Variants in CLASP1 observed in about 807,000 individuals in gnomAD.
CLASP1 encodes the protein cytoplasmic linker associated protein 1, also known as CLIP-associating protein 1.
CLASP1 carries 38 observed loss-of-function variants against 192.3 expected under a neutral mutation model. That is an observed-to-expected ratio of 0.20 (90% CI 0.15 to 0.26). CLASP1 has a LOEUF of 0.26. Ranked by LOEUF, CLASP1 falls within the 10% of genes least tolerant of loss-of-function variation. CLASP1 has a pLI of 1.00. For missense variants in CLASP1, 1,433 were observed against 1,932.5 expected (o/e 0.74, Z 4.85); for synonymous variants, 691 against 712.8 (o/e 0.97, Z 0.49).
At chr2:121,489,164 T>G (rs1464908166) in intron 8 of CLASP1, among the ~76,000 whole-genome samples, 1 of 152,254 alleles carries the variant, frequency 6.6e-6, no homozygotes, top group East Asian at 1.9e-4. Flanking sequence ...GCCCAGGTAT[T>G]GATTTCCTGC....
At chr2:121,534,837 A>G (rs2095004392) in intron 2 of CLASP1, among the ~76,000 whole-genome samples, 1 of 152,180 alleles carries the variant, frequency 6.6e-6, no homozygotes, top group Non-Finnish European at 1.5e-5. Context: ...CTATTCCTGT[A>G]ACAATTTTTC....
chr2:121,517,314 TGAAGA>T (rs1243829508), intron 6 of CLASP1, among the ~76,000 whole-genome samples: 1 of 152,096 alleles, frequency 6.6e-6, no homozygotes, highest in Non-Finnish European at 1.5e-5. Context: ...TAGTGGAGAA[TGAAGA>T]GAAAAGAAGC....
At chr2:121,479,054 CCCCACACA>C (rs2092362373) in intron 8 of CLASP1, among the ~76,000 whole-genome samples, 1 of 96,740 alleles carries the variant, frequency 1.0e-5, no homozygotes, top group Non-Finnish European at 2.2e-5. Flanking sequence ...CACACCCCCC[CCCCACACA>C]CACACACACA....
chr2:121,641,742 A>G (rs2072125829), intron 1 of CLASP1, among the ~76,000 whole-genome samples: 1 of 152,244 alleles, frequency 6.6e-6, no homozygotes, highest in Non-Finnish European at 1.5e-5. Flanking sequence ...AGCAAAAAAT[A>G]TACTTAAATT....
intron 7 of CLASP1, among the ~76,000 whole-genome samples, chr2:121,514,031 C>T (rs966016195): frequency 6.6e-6 from 1 of 152,238 alleles, no homozygotes; most frequent in Admixed American, 6.5e-5. Flanking sequence ...TTCTAGACAC[C>T]AGCATGGGGC....
chr2:121,621,861 T>A (rs2067417511), intron 1 of CLASP1, among the ~76,000 whole-genome samples: 1 of 152,180 alleles, frequency 6.6e-6, no homozygotes, highest in Non-Finnish European at 1.5e-5. Context: ...TGTTTGTTTG[T>A]TTATGAGACG....
chr2:121,364,995 C>T, intron 36 of CLASP1, 99 bp downstream of exon 37: 1 of 1,127,058 alleles, frequency 8.9e-7, no homozygotes, highest in Non-Finnish European at 1.3e-6. Flanking sequence ...ACAGTAAGCA[C>T]AACCCAGAAA....
At chr2:121,483,555 T>C (rs2092769803) in intron 8 of CLASP1, among the ~76,000 whole-genome samples, 1 of 145,270 alleles carries the variant, frequency 6.9e-6, no homozygotes, top group African/African-American at 2.8e-5. Context: ...TATGTGTGTG[T>C]ATATATATGT....
At chr2:121,422,020 T>C (rs2079589655) in intron 22 of CLASP1, among the ~76,000 whole-genome samples, 1 of 152,202 alleles carries the variant, frequency 6.6e-6, no homozygotes, top group East Asian at 1.9e-4. Flanking sequence ...ATACTTGTAC[T>C]GTGAACTTCC....
intron 32 of CLASP1, among the ~76,000 whole-genome samples, chr2:121,385,841 C>A (rs181196397): frequency 6.6e-6 from 1 of 152,148 alleles, no homozygotes; most frequent in Non-Finnish European, 1.5e-5. Flanking sequence ...CACCACTGTA[C>A]CATCATATTC....
At chr2:121,371,449 G>A (rs35933825) in intron 34 of CLASP1, among the ~76,000 whole-genome samples, 1 of 151,162 alleles carries the variant, frequency 6.6e-6, no homozygotes, top group Non-Finnish European at 1.5e-5. Context: ...ATGTTGCCCA[G>A]GCTGTTCTTG....
At chr2:121,422,782 A>G (rs1034655957) in intron 22 of CLASP1, among the ~76,000 whole-genome samples, 2 of 152,224 alleles carry the variant, frequency 1.3e-5, no homozygotes, top group East Asian at 1.9e-4. Context: ...TTTCAAACAA[A>G]AAGAGGCATA....
In CLASP1 at chr2:121,473,447, AAAAT is replaced by A. The variant is rs1284196636; in HGVS notation, c.713-3491_713-3488del. On this transcript the variant is annotated intron_variant, in intron 8 of 39. Coordinates refer to ENST00000263710, the Ensembl canonical transcript of CLASP1. ...AAGCACAGAAACAAAATAGGCTGAA[AAAAT>A]AAATAAACGGAATAGAGTCTCAGAG... 5.3e-5 allele frequency among the ~76,000 whole-genome samples: 8 copies of A among 152,200 alleles called. 1 individual carries two copies. Among genetic ancestry groups the A allele is most frequent in the South Asian group, 4.1e-4 (2 of 4,830 alleles).
chr2:121,572,170 T>C (rs2060035227), intron 2 of CLASP1, among the ~76,000 whole-genome samples: 1 of 152,196 alleles, frequency 6.6e-6, no homozygotes, highest in Non-Finnish European at 1.5e-5. Flanking sequence ...GGCTCATGCC[T>C]GTAATCCCAG....
chr2:121,451,028 T>C (rs1319136829), intron 15 of CLASP1, 38 bp from the exon 16 acceptor site: 4 of 1,351,376 alleles, frequency 3.0e-6, no homozygotes, highest in East Asian at 4.6e-5. Context: ...CAATCATAAA[T>C]GTATGGTTTG....
chr2:121,435,089 G>A (rs953808880), intron 19 of CLASP1, among the ~76,000 whole-genome samples: 2 of 152,110 alleles, frequency 1.3e-5, no homozygotes, highest in Non-Finnish European at 2.9e-5. Flanking sequence ...GGGAGGCCTA[G>A]GCAGAAGGAC....
intron 2 of CLASP1, among the ~76,000 whole-genome samples, chr2:121,604,396 C>T (rs552638858): frequency 1.3e-5 from 2 of 152,250 alleles, no homozygotes; most frequent in East Asian, 3.9e-4. Context: ...AGGCTGGGCA[C>T]GGTGGCACAC....
chr2:121,640,501 C>T (rs992218676), intron 1 of CLASP1, among the ~76,000 whole-genome samples: 9 of 152,162 alleles, frequency 5.9e-5, no homozygotes, highest in Non-Finnish European at 1.0e-4. Flanking sequence ...ATATCAGGAG[C>T]TCAAATCTAA....
chr2:121,583,807 CT>C (rs1176410536), intron 2 of CLASP1, among the ~76,000 whole-genome samples: 1 of 152,040 alleles, frequency 6.6e-6, no homozygotes, highest in Non-Finnish European at 1.5e-5. Flanking sequence ...AGAGTTGAGG[CT>C]TTGGGGAGGT....
Sources: gnomAD v4.1 joint callset for allele counts (sites outside exome capture counted in the v4.1 genomes callset) on GRCh38, gnomAD v4.1.1 for gene constraint, MANE v1.5 for transcripts, NCBI Gene and HGNC (gene_info 2026-07-23, HGNC 2026-07-21) for gene names.